The following CEP112 variants were observed in gnomAD, a reference collection of about 807,000 sequenced individuals.
CEP112 encodes centrosomal protein 112.
CEP112 carries 127 observed loss-of-function variants against 153.0 expected under a neutral mutation model. That is an observed-to-expected ratio of 0.83 (90% CI 0.72 to 0.96). The LOEUF (loss-of-function observed/expected upper bound fraction) is 0.96. CEP112 is among the 40% of genes least tolerant of loss of function. The pLI, the probability that CEP112 is intolerant of heterozygous loss-of-function variation, is 0.00. For synonymous variants in CEP112, 358 were observed against 374.4 expected, an observed-to-expected ratio of 0.96 and a Z score of 0.51; for missense variants, 1,089 against 1,101.2, an observed-to-expected ratio of 0.99 and a Z score of 0.16.
chr17:65,937,517 G>A (rs1309336973), intron 18 of CEP112, among the ~76,000 whole-genome samples: 1 of 139,846 alleles, frequency 7.2e-6, no homozygotes, highest in Non-Finnish European at 1.6e-5. Context: ...CCCCGTCTGA[G>A]AAGTGAGGAG....
chr17:65,758,421 G>A (rs555757996), intron 21 of CEP112, among the ~76,000 whole-genome samples: 2 of 152,160 alleles, frequency 1.3e-5, no homozygotes, highest in African/African-American at 4.8e-5. Flanking sequence ...GGAAAAATAC[G>A]ACCAATTTAC....
chr17:65,766,985 C>T (rs931103872), intron 21 of CEP112, among the ~76,000 whole-genome samples: 4 of 150,850 alleles, frequency 2.7e-5, no homozygotes, highest in South Asian at 2.1e-4. Context: ...AACAACAGAC[C>T]GATAATGAGA....
chr17:65,992,702 A>G (rs1428389902), intron 17 of CEP112, among the ~76,000 whole-genome samples: 1 of 152,198 alleles, frequency 6.6e-6, no homozygotes, highest in Non-Finnish European at 1.5e-5. Flanking sequence ...AAATATCACT[A>G]TTAATTCCTT....
rs114094231 is a variant in CEP112, at chr17:65,668,355, A to G, written c.2697+20774T>C. 3.1e-3 allele frequency among the ~76,000 whole-genome samples: 477 copies of G among 152,264 alleles called. 1 individual carries two copies. The highest frequency in any genetic ancestry group is 0.011 in the African/African-American group (462 of 41,546). On this transcript the variant is annotated intron_variant, in intron 24 of 26. Coordinates refer to ENST00000535342, the MANE Select transcript of CEP112 (RefSeq NM_001199165.4). ...ATCCCCAGGGCCCTCCAGGTATGTC[A>G]AGCTGTTCAATATACACGTTAAGCC...
intron 23 of CEP112, among the ~76,000 whole-genome samples, chr17:65,711,961 T>G (rs1214188662): frequency 6.6e-6 from 1 of 152,078 alleles, no homozygotes; most frequent in Admixed American, 6.5e-5. Context: ...AGTACAAGGG[T>G]AGAAACAAAG....
chr17:65,665,441 G>C (rs951751744), intron 24 of CEP112, among the ~76,000 whole-genome samples: 1 of 152,208 alleles, frequency 6.6e-6, no homozygotes, highest in Non-Finnish European at 1.5e-5. Flanking sequence ...CCTGCCTACT[G>C]CTCTAGGTCT....
At chr17:66,104,907 G>A (rs2068718576) in intron 6 of CEP112, among the ~76,000 whole-genome samples, 1 of 152,166 alleles carries the variant, frequency 6.6e-6, no homozygotes, top group Non-Finnish European at 1.5e-5. Context: ...CGAAAGGAAA[G>A]GACATTAATG....
chr17:65,641,375 A>G (rs1038829404), intron 24 of CEP112, among the ~76,000 whole-genome samples: 1 of 152,190 alleles, frequency 6.6e-6, no homozygotes, highest in Admixed American at 6.5e-5. Context: ...GTTCCCCACT[A>G]TGCTAGCCCT....
At chr17:65,905,812 G>T (rs2060053509) in intron 19 of CEP112, among the ~76,000 whole-genome samples, 1 of 151,950 alleles carries the variant, frequency 6.6e-6, no homozygotes, top group Non-Finnish European at 1.5e-5. Flanking sequence ...AGGTGTAGTG[G>T]TGGATGCCTG....
chr17:65,879,476 G>T (rs563864041), intron 20 of CEP112, among the ~76,000 whole-genome samples: 95 of 152,250 alleles, frequency 6.2e-4, no homozygotes, highest in African/African-American at 2.2e-3. Context: ...GTTCTTTCCA[G>T]GTACAAAGCT....
intron 9 of CEP112, among the ~76,000 whole-genome samples, chr17:66,067,884 A>C (rs1469999833): frequency 2.0e-5 from 3 of 152,146 alleles, no homozygotes; most frequent in Admixed American, 1.3e-4. Flanking sequence ...AATATTCTTC[A>C]GCTGGGCATG....
intron 24 of CEP112, among the ~76,000 whole-genome samples, chr17:65,676,084 T>C (rs2047221045): frequency 6.6e-6 from 1 of 152,206 alleles, no homozygotes. Context: ...CACGTAGCAC[T>C]GCACACTCTG....
At chr17:65,974,576 T>C (rs2062963129) in intron 17 of CEP112, among the ~76,000 whole-genome samples, 1 of 152,146 alleles carries the variant, frequency 6.6e-6, no homozygotes, top group Non-Finnish European at 1.5e-5. Flanking sequence ...CAGCATCACA[T>C]GCAACTGCAA....
chr17:65,671,314 C>T (rs891321359), intron 24 of CEP112, among the ~76,000 whole-genome samples: 1 of 152,136 alleles, frequency 6.6e-6, no homozygotes, highest in Non-Finnish European at 1.5e-5. Flanking sequence ...GGAGAAGTAC[C>T]CCCATGTACA....
At position 66,096,574 on chromosome 17, in the gene CEP112, T is replaced by C. The variant is rs1265310485; in HGVS notation, c.690+11A>G. 1.3e-6 allele frequency: 2 copies of C among 1,574,216 alleles called. No homozygotes were observed. The highest frequency in any genetic ancestry group is 1.7e-6 in the Non-Finnish European group (2 of 1,149,186). On this transcript the variant is annotated intron_variant, in intron 7 of 26. Transcript: ENST00000535342. ...TGCCCCTAGAAAAAGTCCAATGGAT[T>C]TCTCACATACCAGAGAAACTGGGAT...
intron 4 of CEP112, among the ~76,000 whole-genome samples, chr17:66,136,004 A>C (rs1435058745): frequency 6.6e-6 from 1 of 152,106 alleles, no homozygotes; most frequent in African/African-American, 2.4e-5. Flanking sequence ...CATAGACCAA[A>C]ATTTCCTTTG....
chr17:65,778,109 C>T (rs1405357359), intron 21 of CEP112, among the ~76,000 whole-genome samples: 1 of 152,162 alleles, frequency 6.6e-6, no homozygotes, highest in Non-Finnish European at 1.5e-5. Context: ...CAGTCCCCAC[C>T]CTGGTACTCA....
intron 18 of CEP112, among the ~76,000 whole-genome samples, chr17:65,939,985 T>C (rs1383458300): frequency 2.0e-5 from 3 of 152,044 alleles, no homozygotes. Flanking sequence ...CTGCAAACCA[T>C]ACATATTATA....
chr17:65,725,693 G>A (rs1204906523), intron 23 of CEP112, among the ~76,000 whole-genome samples: 2 of 152,214 alleles, frequency 1.3e-5, no homozygotes, highest in Non-Finnish European at 2.9e-5. Flanking sequence ...GTTCCACATG[G>A]CTGGGGAGGC....
Sources: gnomAD v4.1 joint callset for allele counts (sites outside exome capture counted in the v4.1 genomes callset) on GRCh38, gnomAD v4.1.1 for gene constraint, MANE v1.5 for transcripts, NCBI Gene and HGNC (gene_info 2026-07-23, HGNC 2026-07-21) for gene names.